The following UPRT variants were observed in gnomAD, a reference collection of about 807,000 sequenced individuals.
UPRT encodes the protein RP11-311P8.3.
A neutral mutation model predicts 22.6 loss-of-function variants in UPRT; 5 were observed. The observed-to-expected ratio is 0.22, with a 90% confidence interval of 0.12 to 0.47. UPRT has a LOEUF of 0.47. UPRT is among the 20% of genes least tolerant of loss of function. The pLI is 0.99. For synonymous variants in UPRT, 77 were observed against 87.7 expected (o/e 0.88, Z 0.68); for missense variants, 181 against 239.9 (o/e 0.75, Z 1.62).
intron 4 of UPRT, among the ~76,000 whole-genome samples, chrX:75,191,062 A>G (rs758194398): frequency 8.9e-6 from 1 of 111,748 alleles, no homozygotes; most frequent in East Asian, 2.8e-4. Flanking sequence ...TCTGATTTTT[A>G]GAATTTTCAG....
At chrX:75,278,370 A>C (rs1354771989) in intron 1 of UPRT, among the ~76,000 whole-genome samples, 1 of 112,401 alleles carries the variant, frequency 8.9e-6, no homozygotes, top group African/African-American at 3.2e-5. Flanking sequence ...CAAGGAAATA[A>C]ATTTCTCTCT....
chrX:75,226,236 A>G (rs781439580), intron 4 of UPRT, among the ~76,000 whole-genome samples: 3 of 111,276 alleles, frequency 2.7e-5, no homozygotes, highest in African/African-American at 6.5e-5. Context: ...TCAAGCCACT[A>G]TTATCTCTCC....
Position 75,274,970 on chromosome X carries a change from T to G in UPRT, c.386+330T>G, listed in dbSNP as rs918134813. Among the ~76,000 whole-genome samples, 3 of 110,534 alleles carry G rather than the reference T, an allele frequency of 2.7e-5. No individual in the cohort carries two copies. In the Admixed American group the frequency reaches 2.9e-4, roughly 11 times the overall value. ...TCCAGGCAGGTAAACTCCCCTATAC[T>G]ATGTGGGCAGTGCTTGTCCACATGG... On this transcript the variant is annotated intron_variant, in intron 1 of 6. Transcript: ENST00000373383.
intron 4 of UPRT, among the ~76,000 whole-genome samples, chrX:75,253,841 C>G (rs2082540285): frequency 8.9e-6 from 1 of 111,973 alleles, no homozygotes; most frequent in African/African-American, 3.2e-5. Flanking sequence ...AGATTCTGAC[C>G]TTACCTGGAG....
chrX:75,246,999 A>C (rs1168192910), intron 4 of UPRT, among the ~76,000 whole-genome samples: 1 of 111,865 alleles, frequency 8.9e-6, no homozygotes, highest in African/African-American at 3.3e-5. Context: ...GTCAAATGTC[A>C]CTCAATTTTT....
intron 4 of UPRT, among the ~76,000 whole-genome samples, chrX:75,227,108 A>G (rs2082425749): frequency 9.0e-6 from 1 of 111,094 alleles, no homozygotes; most frequent in African/African-American, 3.3e-5. Context: ...CGTCCAGTCA[A>G]GTCTTTAGGT....
intron 4 of UPRT, among the ~76,000 whole-genome samples, chrX:75,198,052 C>T (rs181893853): frequency 3.3e-4 from 37 of 112,946 alleles, no homozygotes; most frequent in Non-Finnish European, 9.4e-5. Context: ...ACAGCAGCTT[C>T]ATTCATAATA....
intron 4 of UPRT, among the ~76,000 whole-genome samples, chrX:75,189,626 T>G (rs2082307770): frequency 8.9e-6 from 1 of 111,909 alleles, no homozygotes; most frequent in Admixed American, 9.5e-5. Flanking sequence ...TAAGTCTCTT[T>G]ACATGTCTCT....
intron 4 of UPRT, among the ~76,000 whole-genome samples, chrX:75,221,187 C>T (rs1418607239): frequency 2.7e-5 from 3 of 110,296 alleles, no homozygotes; most frequent in Non-Finnish European, 5.7e-5. Flanking sequence ...CTGCCAGATG[C>T]TGTGTTGTCT....
intron 4 of UPRT, among the ~76,000 whole-genome samples, chrX:75,261,888 A>T (rs899329836): frequency 9.0e-6 from 1 of 111,668 alleles, no homozygotes; most frequent in Admixed American, 9.6e-5. Context: ...AATAAACATA[A>T]TCCATCACAT....
At chrX:75,257,592 A>G (rs1028901716) in intron 4 of UPRT, among the ~76,000 whole-genome samples, 1 of 111,716 alleles carries the variant, frequency 9.0e-6, no homozygotes, top group Non-Finnish European at 1.9e-5. Flanking sequence ...ACTGTTGATG[A>G]TATGATTGTT....
At chrX:75,243,536 T>C (rs777662037) in intron 4 of UPRT, among the ~76,000 whole-genome samples, 30 of 111,971 alleles carry the variant, frequency 2.7e-4, no homozygotes, top group African/African-American at 9.7e-4. Flanking sequence ...TTGTAAATTA[T>C]AAAACACCAA....
intron 4 of UPRT, among the ~76,000 whole-genome samples, chrX:75,169,737 T>C (rs568358727): frequency 3.6e-5 from 4 of 112,168 alleles, no homozygotes; most frequent in South Asian, 3.7e-4. Context: ...ATGAATAGAA[T>C]GTATACTCTG....
chrX:75,163,483 G>T (rs1330473394), intron 3 of UPRT, among the ~76,000 whole-genome samples: 1 of 111,470 alleles, frequency 9.0e-6, no homozygotes, highest in Non-Finnish European at 1.9e-5. Context: ...CACAAGTCCT[G>T]CCCACACTCA....
chrX:75,201,690 A>G, intron 4 of UPRT: 1 of 115,096 alleles, frequency 8.7e-6, no homozygotes, highest in South Asian at 3.4e-4. Context: ...TGGAACACCA[A>G]TTTTGGGACA....
upstream of UPRT, among the ~76,000 whole-genome samples, chrX:75,270,897 A>T (rs1324141319): frequency 2.7e-5 from 3 of 111,354 alleles, no homozygotes; most frequent in East Asian, 8.5e-4. Flanking sequence ...CAGAACTTAA[A>T]GTATAATAAG....
At chrX:75,253,170 A>C (rs983802370) in intron 4 of UPRT, among the ~76,000 whole-genome samples, 1 of 111,726 alleles carries the variant, frequency 9.0e-6, no homozygotes, top group African/African-American at 3.3e-5. Flanking sequence ...GTGCACATGT[A>C]CCCTAATACT....
intron 4 of UPRT, among the ~76,000 whole-genome samples, chrX:75,203,909 T>A (rs936303376): frequency 1.3e-4 from 14 of 111,641 alleles, no homozygotes; most frequent in Non-Finnish European, 2.3e-4. Flanking sequence ...ATTCTTGCCT[T>A]CTATTTTAAT....
intron 4 of UPRT, among the ~76,000 whole-genome samples, chrX:75,187,785 G>A (rs1174351980): frequency 4.5e-5 from 5 of 111,102 alleles, no homozygotes; most frequent in African/African-American, 1.3e-4. Flanking sequence ...ATCTTCCATT[G>A]CTGATACCCT....
Sources: gnomAD v4.1 joint callset for allele counts (sites outside exome capture counted in the v4.1 genomes callset) on GRCh38, gnomAD v4.1.1 for gene constraint, MANE v1.5 for transcripts, NCBI Gene and HGNC (gene_info 2026-07-23, HGNC 2026-07-21) for gene names.